FGD4: variants seen among roughly 807,000 people sequenced by gnomAD.
FGD4 encodes the protein FYVE, RhoGEF and PH domain containing 4.
Under a neutral mutation model 102.0 loss-of-function variants are expected in FGD4, and 42 were observed. The ratio of observed to expected loss-of-function variants is 0.41; its 90% CI spans 0.32 to 0.53. The LOEUF is 0.53. FGD4 is among the 20% of genes least tolerant of loss of function. The pLI, the probability that FGD4 is intolerant of heterozygous loss-of-function variation, is 0.21. For missense variants in FGD4, 902 were observed against 1,078.2 expected (o/e 0.84, Z 2.29); for synonymous variants, 380 against 375.7 (o/e 1.01, Z -0.13).
At position 32,582,287 on chromosome 12, in the gene FGD4, A is replaced by C. The variant is rs529268397; in HGVS notation, c.831A>C (p.Ala277=). ...GAGATGAAACTGCCACAGCTCCTGC[A>C]TCACCCACAACAGACAGCTGTGATG... The part of the protein sequence containing the change: ...GERDETATAP[A]SPTTDSCDGN... The change falls in exon 4 of 17, where the codon GCA becomes GCC. Residue 277 remains alanine, a synonymous_variant. Transcript: ENST00000534526. The C allele has an allele frequency of 8.7e-6, 14 of 1,614,280 alleles. No homozygotes were observed. The African/African-American group carries it at 1.5e-4, about 17-fold the overall frequency.
Position 32,520,433 on chromosome 12 carries a change from GT to G in FGD4, c.167-43698del, listed in dbSNP as rs1374009063. On this transcript the variant is annotated intron_variant, in intron 1 of 16. Coordinates refer to ENST00000534526, the MANE Select transcript of FGD4 (RefSeq NM_001370298.3). ...TTTAAGTTCTATTGTGGGTTTTTTT[GT>G]TTTTTGTTTTTTTTTTTTAGAGATG... 2.3e-4 allele frequency among the ~76,000 whole-genome samples: 24 copies of G among 103,060 alleles called. No homozygotes were observed. In the Admixed American group the frequency reaches 2.4e-3, roughly 10 times the overall value. The allele number at this position is 103,060 out of a possible 152,430, so 67.6% of individuals were successfully genotyped here.
chr12:32,628,992 G>A (rs1950340281), intron 14 of FGD4, among the ~76,000 whole-genome samples: 2 of 152,186 alleles, frequency 1.3e-5, no homozygotes, highest in Non-Finnish European at 1.5e-5. Context: ...CTAAAGAATG[G>A]TGCTTCCTGA....
At chr12:32,437,323 A>G (rs145963712) in intron 1 of FGD4, among the ~76,000 whole-genome samples, 71 of 152,310 alleles carry the variant, frequency 4.7e-4, no homozygotes, top group African/African-American at 1.7e-3. Flanking sequence ...AGAGTAGTGA[A>G]GGTCTTGAAG....
At chr12:32,439,877 T>C (rs1655276912) in intron 1 of FGD4, among the ~76,000 whole-genome samples, 1 of 152,120 alleles carries the variant, frequency 6.6e-6, no homozygotes. Context: ...TAGTCTCTTG[T>C]GTGTGTTTTC....
intron 4 of FGD4, among the ~76,000 whole-genome samples, chr12:32,585,502 C>T (rs1019772607): frequency 4.0e-5 from 6 of 151,698 alleles, no homozygotes; most frequent in Non-Finnish European, 7.4e-5. Flanking sequence ...GAGAGACATA[C>T]ACAAATTGAC....
intron 1 of FGD4, among the ~76,000 whole-genome samples, chr12:32,563,410 G>C (rs369982039): frequency 6.6e-6 from 1 of 151,526 alleles, no homozygotes; most frequent in Non-Finnish European, 1.5e-5. Flanking sequence ...ATGGGCGGCC[G>C]GGCAGAGACG....
intron 1 of FGD4, among the ~76,000 whole-genome samples, chr12:32,410,937 T>TC (rs1273081154): frequency 1.3e-5 from 2 of 149,080 alleles, no homozygotes; most frequent in African/African-American, 5.0e-5. Flanking sequence ...TTTTCTTTTT[T>TC]TTTTTTTTTT....
rs568600332 is a variant in FGD4 at position 32,601,543 on chromosome 12, A to AT, written c.1247+122dup. On this transcript the variant is annotated intron_variant, in intron 6 of 16. Transcript: ENST00000534526. ...CTAGACATTTATGCTAAATTTTTACATTAAAGACTACTGATAGAAGTTGTG... is the reference window on the plus strand; with the variant it reads ...CTAGACATTTATGCTAAATTTTTACATTTAAAGACTACTGATAGAAGTTGTG... 4.4e-5 allele frequency: 53 copies of AT among 1,191,306 alleles called. No homozygotes were observed. The East Asian group carries it at 1.3e-3, about 29-fold the overall frequency. The allele number at this position is 1,191,306 out of a possible 1,614,324, so 73.8% of individuals were successfully genotyped here. A position where few individuals can be genotyped will look rare whatever the true frequency, so the allele number is the denominator to read the frequency against.
At chr12:32,469,224 AT>A (rs1270061567) in intron 1 of FGD4, among the ~76,000 whole-genome samples, 1 of 152,054 alleles carries the variant, frequency 6.6e-6, no homozygotes, top group Non-Finnish European at 1.5e-5. Context: ...TTGTTTTTTT[AT>A]TTATATATAC....
intron 1 of FGD4, among the ~76,000 whole-genome samples, chr12:32,405,752 G>C (rs1442494111): frequency 6.6e-6 from 1 of 152,090 alleles, no homozygotes; most frequent in Non-Finnish European, 1.5e-5. Context: ...TTGGGGGTCT[G>C]CCTGAGGTCA....
chr12:32,508,133 T>G (rs1457641669), intron 1 of FGD4, among the ~76,000 whole-genome samples: 2 of 152,204 alleles, frequency 1.3e-5, no homozygotes, highest in Non-Finnish European at 2.9e-5. Flanking sequence ...GTTCCTCGGC[T>G]GTGCACGTGA....
intron 4 of FGD4, among the ~76,000 whole-genome samples, chr12:32,591,746 TGAG>T (rs902612524): frequency 6.6e-6 from 1 of 151,934 alleles, no homozygotes; most frequent in East Asian, 1.9e-4. Context: ...CACCTGAAAA[TGAG>T]GAGGCAGGAC....
chr12:32,434,121 T>C (rs1237381836), intron 1 of FGD4, among the ~76,000 whole-genome samples: 1 of 152,216 alleles, frequency 6.6e-6, no homozygotes, highest in Admixed American at 6.5e-5. Context: ...CCCAAAGTGC[T>C]GGGATTACAG....
chr12:32,617,653 T>C (rs1328594954), intron 10 of FGD4, among the ~76,000 whole-genome samples: 7 of 152,210 alleles, frequency 4.6e-5, no homozygotes, highest in African/African-American at 1.7e-4. Context: ...TAAAAGGGAA[T>C]CTCCTACCCT....
intron 4 of FGD4, among the ~76,000 whole-genome samples, chr12:32,593,394 A>AC (rs1201423498): frequency 6.6e-6 from 1 of 152,174 alleles, no homozygotes; most frequent in African/African-American, 2.4e-5. Flanking sequence ...GAGTGATTAA[A>AC]CCGTATGTTG....
chr12:32,401,392 T>G (rs2095370356), intron 1 of FGD4, among the ~76,000 whole-genome samples: 1 of 152,006 alleles, frequency 6.6e-6, no homozygotes, highest in South Asian at 2.1e-4. Flanking sequence ...CCCAAGTAGC[T>G]GGGATTGCAA....
chr12:32,399,980 G>T (rs1940578865), intron 1 of FGD4, 21 bp downstream of exon 1: 1 of 1,440,084 alleles, frequency 6.9e-7, no homozygotes, highest in Admixed American at 2.7e-5. Context: ...CGGGGCGCGG[G>T]GGAAGGGTGG....
chr12:32,501,573 A>G (rs1938219505), intron 1 of FGD4, among the ~76,000 whole-genome samples: 1 of 152,228 alleles, frequency 6.6e-6, no homozygotes, highest in African/African-American at 2.4e-5. Flanking sequence ...CTCTCCCCAC[A>G]AAGTTCAATT....
chr12:32,500,912 C>CTGT (rs1331972487), intron 1 of FGD4, among the ~76,000 whole-genome samples: 2 of 152,232 alleles, frequency 1.3e-5, no homozygotes, highest in Non-Finnish European at 2.9e-5. Context: ...CCTTGGCTTG[C>CTGT]TGTTGACACA....
Sources: gnomAD v4.1 joint callset for allele counts (sites outside exome capture counted in the v4.1 genomes callset) on GRCh38, gnomAD v4.1.1 for gene constraint, MANE v1.5 for transcripts, NCBI Gene and HGNC (gene_info 2026-07-23, HGNC 2026-07-21) for gene names.